Variants in MRPS11 observed in about 807,000 individuals in gnomAD.
MRPS11 encodes mitochondrial ribosomal protein S11.
A neutral mutation model predicts 24.3 loss-of-function variants in MRPS11; 27 were observed. The ratio of observed to expected loss-of-function variants is 1.11; its 90% CI spans 0.82 to 1.53. MRPS11 has a LOEUF of 1.53. Among genes scored for constraint, MRPS11 ranks in the 40% most tolerant of loss-of-function variants. The pLI, the probability that MRPS11 is intolerant of heterozygous loss-of-function variation, is 0.00. For missense variants in MRPS11, 277 were observed against 256.5 expected (o/e 1.08, Z -0.55); for synonymous variants, 104 against 98.7 (o/e 1.05, Z -0.32).
At chr15:88,472,407 C>T (rs1329406517) in intron 2 of MRPS11, 2 of 483,716 alleles carry the variant, frequency 4.1e-6, no homozygotes, top group East Asian at 3.8e-5. Flanking sequence ...AGCGGAAAGT[C>T]CCCAGATGTG....
Position 88,478,289 on chromosome 15 carries a change from G to A in MRPS11, c.*310G>A, listed in dbSNP as rs1293824344. The A allele has an allele frequency of 2.9e-6, 1 of 350,010 alleles. No homozygotes were observed. The highest frequency in any genetic ancestry group is 5.2e-6 in the Non-Finnish European group (1 of 191,344). The allele number at this position is 350,010 out of a possible 1,614,324, so 21.7% of individuals were successfully genotyped here. On this transcript the variant is annotated 3_prime_UTR_variant, in exon 6 of 6. Coordinates refer to ENST00000325844, the MANE Select transcript of MRPS11 (RefSeq NM_022839.5). The surrounding 1 kb of genome is among the most constrained non-coding windows in gnomAD (Gnocchi z 4.7). ...ATAATTTTGAGATTTTTTGCTTTCA[G>A]AGTTACGTAATTCCTAATTCCTCTT...
intron 3 of MRPS11, among the ~76,000 whole-genome samples, chr15:88,473,303 CAT>C (rs2055754855): frequency 6.6e-6 from 1 of 152,210 alleles, no homozygotes; most frequent in Non-Finnish European, 1.5e-5. Context: ...AATTCCCAAA[CAT>C]ATGCTGCCAA....
intron 2 of MRPS11, chr15:88,468,962 A>G (rs1405616391): frequency 5.3e-5 from 8 of 151,630 alleles, no homozygotes; most frequent in African/African-American, 1.9e-4. Context: ...GTGAGCCAAG[A>G]TCACGCCACT....
chr15:88,470,288 C>T (rs2055664189), intron 2 of MRPS11, among the ~76,000 whole-genome samples: 1 of 152,110 alleles, frequency 6.6e-6, no homozygotes, highest in Admixed American at 6.5e-5. Context: ...GCAGTCCAGC[C>T]TGGACGAGAC....
Position 88,469,453 on chromosome 15 carries a change from A to T in MRPS11, c.182+1429A>T, listed in dbSNP as rs1345819854. The stretch of plus-strand genomic sequence containing the variant: ...ACTTAAATTCCAGTGGGTAGAAGAC[A>T]GTAAATAGAAAACAAGTAAAATGTA... On this transcript the variant is annotated intron_variant, in intron 2 of 5. Transcript: ENST00000325844. This position sits in a 1 kb window ranked among gnomAD's most constrained non-coding sequence, Gnocchi z 4.4. Among the ~76,000 whole-genome samples the T allele has an allele frequency of 6.6e-6, 1 of 152,240 alleles. No homozygotes were observed. The highest frequency in any genetic ancestry group is 1.5e-5 in the Non-Finnish European group (1 of 68,040).
chr15:88,467,746 G>A lies in MRPS11; in HGVS notation c.29G>A (p.Arg10Gln), dbSNP rs905375225. 9 of 1,613,974 alleles carry A rather than the reference G, an allele frequency of 5.6e-6. No individual in the cohort carries two copies. The highest frequency in any genetic ancestry group is 2.2e-5 in the South Asian group (2 of 91,076). MQAVRNAGS[R>Q]FLRSWTWPQT... ...CAGGCTGTGAGAAACGCGGGGTCGC[G>A]GTTCCTGCGGTCCTGGACTTGGCCC... is the stretch of plus-strand genomic sequence containing the variant. The change falls in exon 1 of 6, where the codon CGG (arginine) becomes CAG (glutamine). Residue 10 changes from arginine (R) to glutamine (Q), a missense_variant. Transcript: ENST00000325844.
At chr15:88,476,557 A>G (rs1337378772) in intron 4 of MRPS11, among the ~76,000 whole-genome samples, 2 of 152,168 alleles carry the variant, frequency 1.3e-5, no homozygotes, top group Non-Finnish European at 2.9e-5. Flanking sequence ...ATATTTTCCC[A>G]TTTTTATAAT....
In MRPS11 at chr15:88,479,935, A is replaced by G. The variant is rs539689160; in HGVS notation, c.*1956A>G. The G allele has an allele frequency of 2.0e-5, 3 of 152,442 alleles. No homozygotes were observed. In the East Asian group the frequency reaches 5.8e-4, roughly 29 times the overall value. The allele number at this position is 152,442 out of a possible 1,614,324, so 9.4% of individuals were successfully genotyped here. A position where few individuals can be genotyped will look rare whatever the true frequency, so the allele number is the denominator to read the frequency against. On this transcript the variant is annotated 3_prime_UTR_variant, in exon 6 of 6. Transcript: ENST00000325844. Reference sequence around the variant, plus strand: ...TAGGCTAGAAGAGGCAGGGAAGAACAGTTCCTAGAACCTGGCAGGAGCTGC... The same window carrying G: ...TAGGCTAGAAGAGGCAGGGAAGAACGGTTCCTAGAACCTGGCAGGAGCTGC...
rs2055867672 is a variant in MRPS11, at chr15:88,478,401, A to G, written c.*422A>G. 1 of 162,770 alleles carries G rather than the reference A, an allele frequency of 6.1e-6. No homozygotes were observed. Among genetic ancestry groups the G allele is most frequent in the Admixed American group, 6.2e-5 (1 of 16,084 alleles). 10.1% of individuals were successfully genotyped at this position (162,770 alleles called of 1,614,324 possible). The stretch of plus-strand genomic sequence containing the variant: ...CTATTTACCAGACACTTCTGGTTTC[A>G]GATATTTCTTTTCTAGCCCCTTACC... On this transcript the variant is annotated 3_prime_UTR_variant, in exon 6 of 6. Coordinates refer to ENST00000325844, the MANE Select transcript of MRPS11 (RefSeq NM_022839.5). This position sits in a 1 kb window ranked among gnomAD's most constrained non-coding sequence, Gnocchi z 4.7.
chr15:88,473,106 T>A (rs958293347), intron 3 of MRPS11, among the ~76,000 whole-genome samples: 1 of 152,186 alleles, frequency 6.6e-6, no homozygotes. Context: ...ATTCAAGATA[T>A]TAATATGATT....
In MRPS11 at chr15:88,478,560, T is replaced by G. The variant is rs2055870826; in HGVS notation, c.*581T>G. On this transcript the variant is annotated 3_prime_UTR_variant, in exon 6 of 6. Transcript: ENST00000325844. The surrounding 1 kb of genome is among the most constrained non-coding windows in gnomAD (Gnocchi z 4.7). ...TTATGGGCATGTTTAAAGTTAGCCC[T>G]AAACACAGGATTTTCTACAAGTGGA... 1 of 155,384 alleles carries G rather than the reference T, an allele frequency of 6.4e-6. No homozygotes were observed. Among genetic ancestry groups the G allele is most frequent in the East Asian group, 1.9e-4 (1 of 5,222 alleles). The allele number at this position is 155,384 out of a possible 1,614,324, so 9.6% of individuals were successfully genotyped here. A position where few individuals can be genotyped will look rare whatever the true frequency, so the allele number is the denominator to read the frequency against.
chr15:88,468,313 G>C (rs1488087106), intron 2 of MRPS11: 1 of 1,194,696 alleles, frequency 8.4e-7, no homozygotes, highest in Admixed American at 3.7e-5. Context: ...TTTCTTCTGA[G>C]ATGGAGATCT....
In MRPS11 at chr15:88,477,155, G is replaced by A; in HGVS notation, c.477+101G>A. 1.9e-6 allele frequency: 2 copies of A among 1,060,920 alleles called. No individual in the cohort carries two copies. Among genetic ancestry groups the A allele is most frequent in the Non-Finnish European group, 2.8e-6 (2 of 704,010 alleles). 65.7% of individuals were successfully genotyped at this position (1,060,920 alleles called of 1,614,324 possible). A position where few individuals can be genotyped will look rare whatever the true frequency, so the allele number is the denominator to read the frequency against. ...GGGAGAGTAGAAAACACCTTTTAGT[G>A]GATTTCCATGTTTGCTTGAAGTTCC... On this transcript the variant is annotated intron_variant, in intron 5 of 5. Transcript: ENST00000325844. The surrounding 1 kb of genome is among the most constrained non-coding windows in gnomAD (Gnocchi z 5.7).
In MRPS11 at chr15:88,477,172, T is replaced by A. The variant is rs1175327409; in HGVS notation, c.477+118T>A. On this transcript the variant is annotated intron_variant, in intron 5 of 5. Transcript: ENST00000325844. This position sits in a 1 kb window ranked among gnomAD's most constrained non-coding sequence, Gnocchi z 5.7. ...CTTTTAGTGGATTTCCATGTTTGCTTGAAGTTCCCGTCTGTTGTTTCTATA... is the reference window on the plus strand; with the variant it reads ...CTTTTAGTGGATTTCCATGTTTGCTAGAAGTTCCCGTCTGTTGTTTCTATA... The A allele has an allele frequency of 1.1e-6, 1 of 927,606 alleles. No homozygotes were observed. Among genetic ancestry groups the A allele is most frequent in the African/African-American group, 1.7e-5 (1 of 60,552 alleles). The allele number at this position is 927,606 out of a possible 1,614,324, so 57.5% of individuals were successfully genotyped here.
chr15:88,475,314 C>T lies in MRPS11; in HGVS notation c.411+75C>T. 1 of 1,586,214 alleles carries T rather than the reference C, an allele frequency of 6.3e-7. No homozygotes were observed. On this transcript the variant is annotated intron_variant, in intron 4 of 5. Transcript: ENST00000325844. This position sits in a 1 kb window ranked among gnomAD's most constrained non-coding sequence, Gnocchi z 4.1. ...ATGGCTCATCACTGAGTGGAGAATC[C>T]TCATTATACTACCCATTCAGAAGCA...
At chr15:88,474,826 C>G (rs187907875) in intron 3 of MRPS11, among the ~76,000 whole-genome samples, 185 of 152,176 alleles carry the variant, frequency 1.2e-3, no homozygotes, top group African/African-American at 4.0e-3. Flanking sequence ...TAAAACTTTC[C>G]CCAATACAGT....
At position 88,477,459 on chromosome 15, in the gene MRPS11, G is replaced by C. The variant is rs902300616; in HGVS notation, c.477+405G>C. Among the ~76,000 whole-genome samples, 6 of 152,220 alleles carry C rather than the reference G, an allele frequency of 3.9e-5. No individual in the cohort carries two copies. Among genetic ancestry groups the C allele is most frequent in the Non-Finnish European group, 5.9e-5 (4 of 68,050 alleles). ...AGATAATCTTTAGCTTCTTCAAAGAGGTGACATCTCTCTGACTTTGCAGGA... is the reference window on the plus strand; with the variant it reads ...AGATAATCTTTAGCTTCTTCAAAGACGTGACATCTCTCTGACTTTGCAGGA... On this transcript the variant is annotated intron_variant, in intron 5 of 5. Transcript: ENST00000325844. This position sits in a 1 kb window ranked among gnomAD's most constrained non-coding sequence, Gnocchi z 5.7.
chr15:88,475,301 T>A lies in MRPS11; in HGVS notation c.411+62T>A. 1.9e-5 allele frequency: 31 copies of A among 1,604,010 alleles called. No homozygotes were observed. In the South Asian group the frequency reaches 3.3e-4, roughly 17 times the overall value. On this transcript the variant is annotated intron_variant, in intron 4 of 5. Transcript: ENST00000325844. This position sits in a 1 kb window ranked among gnomAD's most constrained non-coding sequence, Gnocchi z 4.1. ...GTTTGCTTTCTGCATGGCTCATCAC[T>A]GAGTGGAGAATCCTCATTATACTAC...
Position 88,467,762 on chromosome 15 carries a change from G to T in MRPS11, c.45G>T (p.Trp15Cys). The T allele has an allele frequency of 6.2e-7, 1 of 1,614,046 alleles. No individual in the cohort carries two copies. Among genetic ancestry groups the T allele is most frequent in the Non-Finnish European group, 8.5e-7 (1 of 1,180,020 alleles). The change falls in exon 1 of 6, where the codon TGG becomes TGT. Residue 15 changes from tryptophan to cysteine, a missense_variant. Transcript: ENST00000325844. ...RNAGSRFLRSWTWPQTAGRVV... is the reference protein window; with the variant it reads ...RNAGSRFLRSCTWPQTAGRVV... ...CGGGGTCGCGGTTCCTGCGGTCCTG[G>T]ACTTGGCCCCAGACAGCCGGGTAAC... is the stretch of plus-strand genomic sequence containing the variant.
Sources: allele counts gnomAD v4.1 joint callset (sites outside exome capture counted in the v4.1 genomes callset), GRCh38; gene constraint gnomAD v4.1.1; non-coding constraint Gnocchi (gnomAD v3.1); transcripts MANE v1.5; gene names NCBI Gene and HGNC (gene_info 2026-07-23, HGNC 2026-07-21).